The following NUBPL variants were observed in gnomAD, a reference collection of about 807,000 sequenced individuals.
The protein encoded by NUBPL is iron-sulfur cluster transfer protein NUBPL.
In NUBPL, 31 loss-of-function variants were observed where a neutral mutation model predicts 45.7. That is an observed-to-expected ratio of 0.68 (90% CI 0.51 to 0.92). The LOEUF is 0.92. NUBPL is among the 40% of genes least tolerant of loss of function. The probability of loss-of-function intolerance (pLI) is 0.00; values close to 1 mark genes in which losing one functional copy is unlikely to be tolerated. For synonymous variants in NUBPL, 144 were observed against 140.9 expected, an observed-to-expected ratio of 1.02 and a Z score of -0.15; for missense variants, 401 against 398.7, an observed-to-expected ratio of 1.01 and a Z score of -0.05.
At chr14:31,586,061 G>A (rs978711297) in intron 3 of NUBPL, among the ~76,000 whole-genome samples, 3 of 152,150 alleles carry the variant, frequency 2.0e-5, no homozygotes, top group African/African-American at 7.2e-5. Context: ...TTTTGTTGCA[G>A]GTTTTTTCCC....
At chr14:31,561,999 TTGC>T in intron 1 of NUBPL, 66 bp from the exon 2 acceptor site, 1 of 1,494,042 alleles carries the variant, frequency 6.7e-7, no homozygotes, top group African/African-American at 1.4e-5. Context: ...CAGATTGTTT[TTGC>T]TTTTACAGTG....
At chr14:31,656,377 G>A (rs945469558) in intron 4 of NUBPL, among the ~76,000 whole-genome samples, 44 of 152,040 alleles carry the variant, frequency 2.9e-4, no homozygotes, top group African/African-American at 9.4e-4. Flanking sequence ...TCACAACTTG[G>A]CTGTTTGGTT....
intron 4 of NUBPL, among the ~76,000 whole-genome samples, chr14:31,639,879 G>A (rs577383921): frequency 2.6e-5 from 4 of 152,040 alleles, no homozygotes; most frequent in African/African-American, 4.8e-5. Context: ...ACATAGGATG[G>A]GATTATATCC....
chr14:31,741,642 T>A (rs957288047), intron 6 of NUBPL, among the ~76,000 whole-genome samples: 7 of 152,192 alleles, frequency 4.6e-5, no homozygotes, highest in Non-Finnish European at 1.0e-4. Flanking sequence ...GGGACCCCCA[T>A]GTTACTGAGT....
chr14:31,844,156 A>G lies in NUBPL; in HGVS notation c.694-2315A>G, dbSNP rs1397098257. On this transcript the variant is annotated intron_variant, in intron 8 of 10. Transcript: ENST00000281081. ...GATGTAAATCACACAAACTGCAAAT[A>G]CACACTTGTTCTATGCCTCTATGTC... 14 of 152,382 alleles carry G rather than the reference A, an allele frequency of 9.2e-5. 1 individual carries two copies. In the East Asian group the frequency reaches 2.7e-3, roughly 29 times the overall value. The allele number at this position is 152,382 out of a possible 1,614,324, so 9.4% of individuals were successfully genotyped here.
chr14:31,723,159 A>G (rs2037849235), intron 6 of NUBPL, among the ~76,000 whole-genome samples: 1 of 152,308 alleles, frequency 6.6e-6, no homozygotes. Flanking sequence ...TCTTCTGCAT[A>G]TGGCCAGCCA....
intron 6 of NUBPL, among the ~76,000 whole-genome samples, chr14:31,718,271 A>T (rs1298917206): frequency 1.3e-5 from 2 of 152,188 alleles, no homozygotes. Flanking sequence ...GCTGCTACTT[A>T]GACTTGGGGC....
At chr14:31,669,695 G>C (rs780039015) in intron 4 of NUBPL, among the ~76,000 whole-genome samples, 7 of 150,312 alleles carry the variant, frequency 4.7e-5, no homozygotes, top group Non-Finnish European at 1.5e-5. Context: ...GTTCCCACTT[G>C]TAAGTGAGAA....
chr14:31,637,312 G>A lies in NUBPL; in HGVS notation c.383-36043G>A, dbSNP rs1373433453. On this transcript the variant is annotated intron_variant, in intron 4 of 10. Coordinates refer to ENST00000281081, the MANE Select transcript of NUBPL (RefSeq NM_025152.3). Reference sequence around the variant, plus strand: ...TGTCTTTGTTCTTGTTGGTTTCAAAGAACATCTTTATTTCTACCTTCATTT... The same window carrying A: ...TGTCTTTGTTCTTGTTGGTTTCAAAAAACATCTTTATTTCTACCTTCATTT... Among the ~76,000 whole-genome samples, 19 of 152,314 alleles carry A rather than the reference G, an allele frequency of 1.2e-4. No homozygotes were observed. In the East Asian group the frequency reaches 3.7e-3, roughly 29 times the overall value.
intron 7 of NUBPL, among the ~76,000 whole-genome samples, chr14:31,818,307 A>G (rs546516483): frequency 6.6e-6 from 1 of 152,238 alleles, no homozygotes; most frequent in South Asian, 2.1e-4. Context: ...CCAAGCGGAT[A>G]TAATAGACAT....
At chr14:31,653,997 G>A (rs369313275) in intron 4 of NUBPL, 17 of 415,186 alleles carry the variant, frequency 4.1e-5, no homozygotes, top group African/African-American at 3.3e-4. Context: ...TGTATTTCAT[G>A]GGGGAAGATA....
intron 4 of NUBPL, among the ~76,000 whole-genome samples, chr14:31,636,741 G>A (rs1268746435): frequency 6.6e-6 from 1 of 152,142 alleles, no homozygotes; most frequent in African/African-American, 2.4e-5. Flanking sequence ...TAGTTGGTAA[G>A]CTATTGATTA....
At chr14:31,772,901 T>C (rs964981006) in intron 6 of NUBPL, among the ~76,000 whole-genome samples, 1 of 152,164 alleles carries the variant, frequency 6.6e-6, no homozygotes, top group African/African-American at 2.4e-5. Flanking sequence ...AGAAAGACAT[T>C]GTAAAAAGGA....
At chr14:31,853,820 G>A (rs61996375) in intron 10 of NUBPL, among the ~76,000 whole-genome samples, 3 of 152,134 alleles carry the variant, frequency 2.0e-5, no homozygotes, top group Non-Finnish European at 4.4e-5. Flanking sequence ...GAGGAGGGGT[G>A]AGAAGGCGAT....
At chr14:31,806,651 G>T (rs1490878744) in intron 7 of NUBPL, among the ~76,000 whole-genome samples, 1 of 151,714 alleles carries the variant, frequency 6.6e-6, no homozygotes, top group Admixed American at 6.6e-5. Context: ...TTAAGTTCTA[G>T]GGTACATGTG....
At chr14:31,591,492 T>C (rs1023549547) in intron 3 of NUBPL, among the ~76,000 whole-genome samples, 14 of 152,110 alleles carry the variant, frequency 9.2e-5, no homozygotes, top group African/African-American at 2.7e-4. Context: ...CATAGAACCA[T>C]AGCCATTCTT....
At chr14:31,661,371 G>T (rs903773238) in intron 4 of NUBPL, among the ~76,000 whole-genome samples, 3 of 152,174 alleles carry the variant, frequency 2.0e-5, no homozygotes, top group Non-Finnish European at 2.9e-5. Context: ...TTAGTACGTT[G>T]TAAGTTTTTC....
intron 6 of NUBPL, among the ~76,000 whole-genome samples, chr14:31,709,877 C>T (rs553606951): frequency 3.3e-5 from 5 of 152,150 alleles, no homozygotes; most frequent in Non-Finnish European, 4.4e-5. Context: ...GTTAATAGGA[C>T]GGGGAGCTAT....
chr14:31,819,180 A>G (rs12437440), intron 7 of NUBPL, among the ~76,000 whole-genome samples: 52,446 of 152,050 alleles, frequency 0.34, 9,962 homozygotes, highest in South Asian at 0.44. Flanking sequence ...AAAAATACCA[A>G]TGCCAATCTA....
Sources: allele counts gnomAD v4.1 joint callset (sites outside exome capture counted in the v4.1 genomes callset), GRCh38; gene constraint gnomAD v4.1.1; transcripts MANE v1.5; gene names NCBI Gene and HGNC (gene_info 2026-07-23, HGNC 2026-07-21).